The following LRRFIP1 variants were observed in gnomAD, a reference collection of about 807,000 sequenced individuals.
LRRFIP1 encodes LRR binding FLII interacting protein 1, also known as leucine-rich repeat flightless-interacting protein 1.
Under a neutral mutation model 104.4 loss-of-function variants are expected in LRRFIP1, and 62 were observed. The ratio of observed to expected loss-of-function variants is 0.59; its 90% CI spans 0.48 to 0.73. LRRFIP1 has a LOEUF of 0.73. Among genes scored for constraint, LRRFIP1 ranks in the 30% least tolerant of loss-of-function variants. The pLI, the probability that LRRFIP1 is intolerant of heterozygous loss-of-function variation, is 0.00. For missense variants in LRRFIP1, 796 were observed against 824.5 expected (o/e 0.97, Z 0.42); for synonymous variants, 300 against 299.0 (o/e 1.00, Z -0.03).
intron 1 of LRRFIP1, among the ~76,000 whole-genome samples, chr2:237,666,845 TTTTCTTTC>T (rs539733839): frequency 3.4e-5 from 5 of 148,822 alleles, no homozygotes; most frequent in African/African-American, 1.2e-4. Flanking sequence ...CTGCCTTCTT[TTTTCTTTC>T]TTTCTTTCTT....
chr2:237,753,971 A>G (rs1282886351), intron 15 of LRRFIP1, among the ~76,000 whole-genome samples: 3 of 152,114 alleles, frequency 2.0e-5, no homozygotes, highest in African/African-American at 7.2e-5. Flanking sequence ...TCTGAGAATA[A>G]AAGTACCATA....
At chr2:237,728,155 G>C (rs900913140) in intron 8 of LRRFIP1, among the ~76,000 whole-genome samples, 6 of 152,102 alleles carry the variant, frequency 3.9e-5, no homozygotes, top group African/African-American at 1.4e-4. Flanking sequence ...CTGATTGTTA[G>C]TATAAGGGGT....
rs975460389 is a variant in LRRFIP1 at position 237,780,608 on chromosome 2, G to A, written c.*1076G>A. On this transcript the variant is annotated 3_prime_UTR_variant, in exon 24 of 24. Transcript: ENST00000308482. The stretch of plus-strand genomic sequence containing the variant: ...TATATGTTGTATTTCAAGTATGGCT[G>A]GTGAAGCCAGTCAGCTTTTCGGGAC... Among the ~76,000 whole-genome samples, 4 of 152,178 alleles carry A rather than the reference G, an allele frequency of 2.6e-5. No homozygotes were observed. Among genetic ancestry groups the A allele is most frequent in the Middle Eastern group, 3.2e-3 (1 of 316 alleles).
chr2:237,735,326 C>G lies in LRRFIP1; in HGVS notation c.548C>G (p.Ser183Cys), dbSNP rs745930662. Residue 183 changes from serine to cysteine, a missense_variant, in exon 10 of 24, where the codon TCC becomes TGC. Ser to Cys is a moderately radical substitution (Grantham distance 112, BLOSUM62 -1). Coordinates refer to ENST00000308482, the MANE Select transcript of LRRFIP1 (RefSeq NM_001137550.2). The surrounding 1 kb of genome is among the most constrained non-coding windows in gnomAD (Gnocchi z 4.6). ...GGTRRGSTSG[S>C]RAPSEYSGHL... ...ACCCGACGGGGCAGCACCTCCGGCT[C>G]CCGTGCTGTAAGGCGCTTTCGGTGA... 1 of 1,613,226 alleles carries G rather than the reference C, an allele frequency of 6.2e-7. No homozygotes were observed. Among genetic ancestry groups the G allele is most frequent in the South Asian group, 1.1e-5 (1 of 91,058 alleles).
chr2:237,734,180 C>T (rs182493384), intron 9 of LRRFIP1, among the ~76,000 whole-genome samples: 15 of 151,204 alleles, frequency 9.9e-5, no homozygotes, highest in Non-Finnish European at 1.5e-5. Context: ...TACTATATTA[C>T]TTTGGAAATT....
intron 15 of LRRFIP1, among the ~76,000 whole-genome samples, chr2:237,754,304 CAG>C (rs963180918): frequency 6.6e-6 from 1 of 152,222 alleles, no homozygotes; most frequent in South Asian, 2.1e-4. Context: ...TCACCAAGCT[CAG>C]AGAGAGAGAT....
rs2093662130 is a variant in LRRFIP1 at position 237,703,774 on chromosome 2, A to G, written c.97-4770A>G. Among the ~76,000 whole-genome samples, 1 of 151,808 alleles carries G rather than the reference A, an allele frequency of 6.6e-6. No individual in the cohort carries two copies. Among genetic ancestry groups the G allele is most frequent in the African/African-American group, 2.4e-5 (1 of 41,324 alleles). ...CTGGGCACCCAAACCACATTTCAGA[A>G]ATCCCTCCCACTGTCTCAAGCAGTG... On this transcript the variant is annotated intron_variant, in intron 1 of 23. Coordinates refer to ENST00000308482, the MANE Select transcript of LRRFIP1 (RefSeq NM_001137550.2). This position sits in a 1 kb window ranked among gnomAD's most constrained non-coding sequence, Gnocchi z 4.3.
At chr2:237,764,127 G>A in intron 19 of LRRFIP1, 2 of 1,614,166 alleles carry the variant, frequency 1.2e-6, no homozygotes, top group Non-Finnish European at 1.7e-6. Context: ...AAAGAAGACT[G>A]TACCATGTCC....
chr2:237,763,735 A>G lies in LRRFIP1; in HGVS notation c.1459+3530A>G, dbSNP rs148943562. 139 of 1,614,138 alleles carry G rather than the reference A, an allele frequency of 8.6e-5. 1 individual carries two copies. The highest frequency in any genetic ancestry group is 1.1e-4 in the Non-Finnish European group (129 of 1,180,054). ...CAGCTGAGGAGGTACTAGCTGATGG[A>G]GACACATTAGATTTTGAGGATGACA... On this transcript the variant is annotated intron_variant, in intron 19 of 23. Transcript: ENST00000308482.
At chr2:237,758,189 T>A (rs2059479366) in intron 17 of LRRFIP1, among the ~76,000 whole-genome samples, 1 of 151,974 alleles carries the variant, frequency 6.6e-6, no homozygotes, top group Non-Finnish European at 1.5e-5. Context: ...CAAGCCACAC[T>A]GTGTTTCCAC....
chr2:237,627,828 C>T (rs2081784149), intron 1 of LRRFIP1, 88 bp downstream of exon 1: 4 of 879,742 alleles, frequency 4.5e-6, no homozygotes, highest in Non-Finnish European at 5.8e-6. Context: ...CCGTCTGTCC[C>T]GCTGTGCGTC....
intron 19 of LRRFIP1, chr2:237,764,776 T>C: frequency 1.0e-6 from 1 of 986,128 alleles, no homozygotes; most frequent in South Asian, 4.7e-5. Flanking sequence ...CATATGAGTC[T>C]TTGATCTTGA....
chr2:237,629,573 G>A (rs1021443053), intron 1 of LRRFIP1, among the ~76,000 whole-genome samples: 4 of 148,810 alleles, frequency 2.7e-5, no homozygotes, highest in African/African-American at 5.0e-5. Flanking sequence ...CCAGGCTCAA[G>A]AGATCCTCCT....
chr2:237,758,801 A>G lies in LRRFIP1; in HGVS notation c.1297A>G (p.Met433Val). 2.5e-6 allele frequency: 4 copies of G among 1,612,516 alleles called. No homozygotes were observed. The highest frequency in any genetic ancestry group is 1.7e-6 in the Non-Finnish European group (2 of 1,179,202). ...GGATGATCTTAGAGAAGAAGTAGTC[A>G]TGCTGAAAGAGGAATTAAAGGTATG... ...ERDDLREEVV[M>V]LKEELKKHGI... The change falls in exon 18 of 24, where the codon ATG becomes GTG. Residue 433 changes from methionine to valine, a missense_variant. Physicochemically the swap from Met to Val is conservative, Grantham distance 21. Transcript: ENST00000308482.
intron 1 of LRRFIP1, among the ~76,000 whole-genome samples, chr2:237,629,869 A>T (rs905663149): frequency 1.3e-5 from 2 of 152,162 alleles, no homozygotes; most frequent in East Asian, 1.9e-4. Context: ...AGGGAGATGC[A>T]GTTGGAGTTA....
chr2:237,717,439 C>T lies in LRRFIP1; in HGVS notation c.202-323C>T, dbSNP rs556961233. ...GGCATGAGCAGCCTGTTGGAGGGGGCGTGAAGGCTGCTGGGCCGGCTTTAC... is the reference window on the plus strand; with the variant it reads ...GGCATGAGCAGCCTGTTGGAGGGGGTGTGAAGGCTGCTGGGCCGGCTTTAC... On this transcript the variant is annotated intron_variant, in intron 3 of 23. Coordinates refer to ENST00000308482, the MANE Select transcript of LRRFIP1 (RefSeq NM_001137550.2). The surrounding 1 kb of genome is among the most constrained non-coding windows in gnomAD (Gnocchi z 4.2). Among the ~76,000 whole-genome samples the T allele has an allele frequency of 2.0e-5, 3 of 152,192 alleles. No homozygotes were observed. The highest frequency in any genetic ancestry group is 2.9e-5 in the Non-Finnish European group (2 of 68,022).
intron 1 of LRRFIP1, among the ~76,000 whole-genome samples, chr2:237,685,451 C>A (rs1339034516): frequency 6.6e-6 from 1 of 152,122 alleles, no homozygotes; most frequent in African/African-American, 2.4e-5. Flanking sequence ...TACAGTGCAC[C>A]TTGACTGGGA....
At position 237,708,584 on chromosome 2, in the gene LRRFIP1, A is replaced by T. The variant is rs1353450992; in HGVS notation, c.137A>T (p.Glu46Val). 1 of 1,598,622 alleles carries T rather than the reference A, an allele frequency of 6.3e-7. No individual in the cohort carries two copies. The highest frequency in any genetic ancestry group is 8.5e-7 in the Non-Finnish European group (1 of 1,170,344). ...GCTGCAAAACGGGCGGCCCGCGCGG[A>T]GGCTCGCGAGATCCGCATGAAGGAG... ...RLAAKRAARA[E>V]AREIRMKELE... Residue 46 changes from glutamate to valine, a missense_variant, in exon 2 of 24, where the codon GAG becomes GTG. Glu to Val is a moderately radical substitution (Grantham distance 121). Transcript: ENST00000308482.
chr2:237,748,169 A>G (rs1000777615), intron 11 of LRRFIP1, among the ~76,000 whole-genome samples, 195 bp from the exon 12 acceptor site: 1 of 152,212 alleles, frequency 6.6e-6, no homozygotes, highest in Non-Finnish European at 1.5e-5. Context: ...TGAGGACAAG[A>G]GAAGAAGGGG....
Sources: allele counts gnomAD v4.1 joint callset (sites outside exome capture counted in the v4.1 genomes callset), GRCh38; gene constraint gnomAD v4.1.1; non-coding constraint Gnocchi (gnomAD v3.1); transcripts MANE v1.5; gene names NCBI Gene and HGNC (gene_info 2026-07-23, HGNC 2026-07-21).